PPFIBP2: variants seen among roughly 807,000 people sequenced by gnomAD.
The protein encoded by PPFIBP2 is liprin-beta-2.
In PPFIBP2, 118 loss-of-function variants were observed where a neutral mutation model predicts 118.3. The observed-to-expected ratio is 1.00, with a 90% CI of 0.86 to 1.16. The LOEUF is 1.16. Ranked by LOEUF, PPFIBP2 falls within the 50% of genes most tolerant of loss-of-function variation. The pLI is 0.00. For synonymous variants in PPFIBP2, 414 were observed against 397.4 expected (o/e 1.04, Z -0.50); for missense variants, 1,195 against 1,073.1 (o/e 1.11, Z -1.59).
intron 5 of PPFIBP2, 71 bp from the exon 6 acceptor site, chr11:7,610,220 C>A: frequency 6.5e-7 from 1 of 1,530,026 alleles, no homozygotes; most frequent in Non-Finnish European, 9.0e-7. Flanking sequence ...GCCTTATGTG[C>A]TGTAAATGAA....
chr11:7,641,865 C>A (rs1852245916), intron 16 of PPFIBP2: 1 of 533,600 alleles, frequency 1.9e-6, no homozygotes, highest in Non-Finnish European at 3.3e-6. Context: ...CCATTCCACA[C>A]ACCCTGAACA....
In PPFIBP2 at chr11:7,653,093, A is replaced by G. The variant is rs762123671; in HGVS notation, c.2506A>G (p.Ile836Val). 6.8e-6 allele frequency: 11 copies of G among 1,614,136 alleles called. No homozygotes were observed. In the South Asian group the frequency reaches 1.1e-4, roughly 16 times the overall value. Residue 836 changes from isoleucine to valine, a missense_variant, in exon 24 of 24, where the codon ATT becomes GTT. Ile to Val is a conservative substitution (Grantham distance 29). Transcript: ENST00000299492. The part of the protein sequence containing the change: ...KKKFDESTDY[I>V]CPMEPSDGVS... ...GAAGTTCGATGAATCGACGGACTACATTTGCCCAATGGAGCCCAGTGACGG... is the reference window on the plus strand; with the variant it reads ...GAAGTTCGATGAATCGACGGACTACGTTTGCCCAATGGAGCCCAGTGACGG...
At chr11:7,522,245 T>C (rs1410418226) in intron 1 of PPFIBP2, among the ~76,000 whole-genome samples, 1 of 151,962 alleles carries the variant, frequency 6.6e-6, no homozygotes, top group Non-Finnish European at 1.5e-5. Context: ...TGGTGACTGA[T>C]TGTATTTGAG....
chr11:7,554,850 T>TCCC (rs1853425033), intron 2 of PPFIBP2, among the ~76,000 whole-genome samples: 1 of 151,542 alleles, frequency 6.6e-6, no homozygotes, highest in Non-Finnish European at 1.5e-5. Context: ...CCTCAGTATT[T>TCCC]TATATCAGAA....
chr11:7,623,576 A>G (rs528783204), intron 7 of PPFIBP2, among the ~76,000 whole-genome samples: 4 of 152,332 alleles, frequency 2.6e-5, no homozygotes, highest in South Asian at 2.1e-4. Context: ...TCCATGGTAT[A>G]TACCTACAGG....
intron 1 of PPFIBP2, among the ~76,000 whole-genome samples, chr11:7,529,978 G>T (rs1028664444): frequency 1.3e-5 from 2 of 152,232 alleles, no homozygotes; most frequent in Admixed American, 6.5e-5. Flanking sequence ...GTATCCCAGG[G>T]TCTGCCACTT....
At position 7,628,380 on chromosome 11, in the gene PPFIBP2, A is replaced by T. The variant is rs913340760; in HGVS notation, c.888+34A>T. On this transcript the variant is annotated intron_variant, in intron 9 of 23. Coordinates refer to ENST00000299492, the MANE Select transcript of PPFIBP2 (RefSeq NM_003621.5). ...GTCATTGGGTAGCCCTGTCTTTTCC[A>T]TGCTTACATCCCTGGCTGTGTTTGG... The T allele has an allele frequency of 1.9e-6, 3 of 1,594,648 alleles. No individual in the cohort carries two copies. The East Asian group carries it at 6.7e-5, about 36-fold the overall frequency.
chr11:7,665,808 A>G, the PPFIBP2 span: 3 of 1,513,222 alleles, frequency 2.0e-6, no homozygotes, highest in Non-Finnish European at 2.7e-6. Flanking sequence ...ACGAGGAAGG[A>G]GAACACAACG....
chr11:7,641,945 GA>G (rs1716347821), intron 16 of PPFIBP2: 1 of 403,450 alleles, frequency 2.5e-6, no homozygotes, highest in South Asian at 4.0e-5. Flanking sequence ...CCCTTCTTAG[GA>G]GTCAGTCTGT....
chr11:7,566,149 C>G (rs1164413316), intron 3 of PPFIBP2, among the ~76,000 whole-genome samples: 1 of 152,100 alleles, frequency 6.6e-6, no homozygotes, highest in Non-Finnish European at 1.5e-5. Flanking sequence ...TTTCTTACCA[C>G]AAACAAAAGA....
intron 1 of PPFIBP2, among the ~76,000 whole-genome samples, chr11:7,541,349 C>A (rs1159561675): frequency 6.6e-6 from 1 of 152,098 alleles, no homozygotes; most frequent in Admixed American, 6.5e-5. Context: ...CTATTGTAGT[C>A]ATCTAGGGTG....
chr11:7,572,392 T>C (rs1013206856), intron 3 of PPFIBP2, among the ~76,000 whole-genome samples: 6 of 152,186 alleles, frequency 3.9e-5, no homozygotes, highest in Non-Finnish European at 5.9e-5. Flanking sequence ...CCCCCCAAAG[T>C]AAATTTACCC....
At chr11:7,563,741 G>A (rs1854613126) in intron 2 of PPFIBP2, among the ~76,000 whole-genome samples, 1 of 152,152 alleles carries the variant, frequency 6.6e-6, no homozygotes, top group South Asian at 2.1e-4. Flanking sequence ...TTTCTAAAGT[G>A]TTTCTTACTG....
intron 1 of PPFIBP2, among the ~76,000 whole-genome samples, chr11:7,521,599 A>G (rs1849765063): frequency 6.6e-6 from 1 of 152,198 alleles, no homozygotes; most frequent in Non-Finnish European, 1.5e-5. Flanking sequence ...ATATCACATC[A>G]AACAAAGATC....
intron 7 of PPFIBP2, among the ~76,000 whole-genome samples, chr11:7,624,289 T>C (rs1849697334): frequency 6.6e-6 from 1 of 152,200 alleles, no homozygotes; most frequent in African/African-American, 2.4e-5. Flanking sequence ...ACACAGAATC[T>C]TGTACTACTC....
chr11:7,559,088 C>A (rs1853995466), intron 2 of PPFIBP2, among the ~76,000 whole-genome samples: 2 of 152,162 alleles, frequency 1.3e-5, no homozygotes, highest in African/African-American at 4.8e-5. Context: ...CTTCAATGTG[C>A]ATTGAAAGTT....
At chr11:7,634,721 C>G (rs1851227589) in intron 13 of PPFIBP2, among the ~76,000 whole-genome samples, 169 bp downstream of exon 13, 1 of 152,100 alleles carries the variant, frequency 6.6e-6, no homozygotes, top group African/African-American at 2.4e-5. Context: ...GGGTGTGGCC[C>G]AAAGCATCTT....
intron 6 of PPFIBP2, among the ~76,000 whole-genome samples, chr11:7,617,590 G>A (rs774489201): frequency 1.3e-5 from 2 of 152,172 alleles, no homozygotes; most frequent in Admixed American, 6.5e-5. Flanking sequence ...TTGTGCCACA[G>A]GAAGCCTCAT....
chr11:7,640,286 C>T (rs1851997225), intron 15 of PPFIBP2, among the ~76,000 whole-genome samples: 1 of 152,192 alleles, frequency 6.6e-6, no homozygotes, highest in Non-Finnish European at 1.5e-5. Context: ...TCTCCACCTT[C>T]TTCTCTGCAG....
Sources: gnomAD v4.1 joint callset for allele counts (sites outside exome capture counted in the v4.1 genomes callset) on GRCh38, gnomAD v4.1.1 for gene constraint, MANE v1.5 for transcripts, NCBI Gene and HGNC (gene_info 2026-07-23, HGNC 2026-07-21) for gene names.